RORA: variants seen among roughly 807,000 people sequenced by gnomAD.
RORA encodes nuclear receptor ROR-alpha.
In RORA, 7 loss-of-function variants were observed where a neutral mutation model predicts 69.5. The observed-to-expected ratio is 0.10, with a 90% CI of 0.06 to 0.19. The LOEUF is 0.19. Ranked by LOEUF, RORA falls within the 10% of genes least tolerant of loss-of-function variation. The pLI, the probability that RORA is intolerant of heterozygous loss-of-function variation, is 1.00. For missense variants in RORA, 457 were observed against 663.0 expected (o/e 0.69, Z 3.41); for synonymous variants, 261 against 240.8 (o/e 1.08, Z -0.78).
chr15:60,532,229 T>C (rs2066546041), intron 2 of RORA, among the ~76,000 whole-genome samples: 1 of 152,236 alleles, frequency 6.6e-6, no homozygotes, highest in African/African-American at 2.4e-5. Context: ...TAAATCTGTC[T>C]TGGCTGAGCA....
intron 2 of RORA, chr15:60,592,254 G>T: frequency 1.9e-6 from 1 of 533,724 alleles, no homozygotes; most frequent in Non-Finnish European, 2.7e-6. Context: ...GAAGGCCCTG[G>T]CAGGGCCCCC....
intron 1 of RORA, among the ~76,000 whole-genome samples, chr15:60,932,321 G>A (rs986751722): frequency 6.6e-6 from 1 of 152,096 alleles, no homozygotes; most frequent in African/African-American, 2.4e-5. Context: ...ACTCAGCCAC[G>A]ATTAGGGCTG....
chr15:61,220,314 C>A (rs928988786), intron 1 of RORA, among the ~76,000 whole-genome samples: 1 of 152,234 alleles, frequency 6.6e-6, no homozygotes, highest in African/African-American at 2.4e-5. Context: ...CCCCGTCACA[C>A]AAACATTCCT....
At chr15:61,022,241 G>T (rs777677770) in intron 1 of RORA, among the ~76,000 whole-genome samples, 1 of 152,180 alleles carries the variant, frequency 6.6e-6, no homozygotes, top group Non-Finnish European at 1.5e-5. Context: ...GGGTGTTTGG[G>T]ACCACTGAGT....
At chr15:60,576,315 A>G (rs1417377686) in intron 2 of RORA, among the ~76,000 whole-genome samples, 3 of 152,208 alleles carry the variant, frequency 2.0e-5, no homozygotes. Flanking sequence ...TATAACAGTC[A>G]GAAGCAAGAC....
chr15:60,683,647 T>TACAC (rs59854874), intron 1 of RORA, among the ~76,000 whole-genome samples: 46,321 of 148,452 alleles, frequency 0.31, 7,118 homozygotes, highest in East Asian at 0.36. Context: ...CAGATACACA[T>TACAC]ACACACACAC....
chr15:61,040,160 ATAT>A (rs1595906436), intron 1 of RORA, among the ~76,000 whole-genome samples: 9 of 125,636 alleles, frequency 7.2e-5, no homozygotes, highest in East Asian at 4.9e-4. Flanking sequence ...ATATATATAT[ATAT>A]AAAATATATG....
intron 1 of RORA, among the ~76,000 whole-genome samples, chr15:61,187,554 A>C (rs930109444): frequency 5.3e-5 from 8 of 152,214 alleles, no homozygotes; most frequent in African/African-American, 1.9e-4. Context: ...GCTGTTCAAC[A>C]CGGCCTCTGC....
At chr15:60,543,787 G>C (rs184344289) in intron 2 of RORA, among the ~76,000 whole-genome samples, 4 of 152,244 alleles carry the variant, frequency 2.6e-5, no homozygotes, top group African/African-American at 7.2e-5. Context: ...ATAGTATTTG[G>C]CAGGGGCTGC....
chr15:61,106,076 C>G (rs1157715364), intron 1 of RORA, among the ~76,000 whole-genome samples: 1 of 152,184 alleles, frequency 6.6e-6, no homozygotes, highest in East Asian at 1.9e-4. Flanking sequence ...TTCCTGGTAG[C>G]AAAGCAATCT....
chr15:60,708,174 A>G (rs1420741837), intron 1 of RORA, among the ~76,000 whole-genome samples: 1 of 152,160 alleles, frequency 6.6e-6, no homozygotes, highest in Non-Finnish European at 1.5e-5. Flanking sequence ...TCGTGTTGAT[A>G]GCCCAACTAG....
intron 2 of RORA, among the ~76,000 whole-genome samples, chr15:60,658,407 T>A (rs2070255218): frequency 2.0e-5 from 3 of 152,162 alleles, no homozygotes; most frequent in Admixed American, 2.0e-4. Flanking sequence ...GTCAGGGAGA[T>A]CAAGGGGATT....
At chr15:60,914,640 C>A (rs1891817394) in intron 1 of RORA, among the ~76,000 whole-genome samples, 3 of 152,056 alleles carry the variant, frequency 2.0e-5, no homozygotes, top group African/African-American at 7.2e-5. Flanking sequence ...TTTAACTGTG[C>A]ACTAAAACCA....
intron 3 of RORA, among the ~76,000 whole-genome samples, chr15:60,521,195 T>G (rs1418222321): frequency 6.6e-6 from 1 of 152,038 alleles, no homozygotes; most frequent in Non-Finnish European, 1.5e-5. Flanking sequence ...ACATAGTAGT[T>G]TGAACAATGA....
intron 1 of RORA, among the ~76,000 whole-genome samples, chr15:61,192,068 G>A (rs1006972130): frequency 6.6e-6 from 1 of 152,210 alleles, no homozygotes; most frequent in Non-Finnish European, 1.5e-5. Context: ...CATGTTGCAT[G>A]CAAACAGAGG....
chr15:60,768,379 A>G (rs145911751), intron 1 of RORA, among the ~76,000 whole-genome samples: 11 of 152,308 alleles, frequency 7.2e-5, no homozygotes, highest in Non-Finnish European at 1.5e-4. Context: ...CAATTCCACC[A>G]AGAGCTTGTG....
chr15:60,831,031 C>T (rs76171355), intron 1 of RORA, among the ~76,000 whole-genome samples: 3 of 152,044 alleles, frequency 2.0e-5, no homozygotes, highest in Admixed American at 6.6e-5. Flanking sequence ...GTATAGTCAG[C>T]GAGGAGACTG....
At chr15:60,775,405 CT>C (rs762237321) in intron 1 of RORA, among the ~76,000 whole-genome samples, 2 of 152,198 alleles carry the variant, frequency 1.3e-5, no homozygotes, top group South Asian at 2.1e-4. Context: ...TGGGGGTTCT[CT>C]TGAACAGATC....
At chr15:60,649,241 G>GA (rs11478657) in intron 2 of RORA, among the ~76,000 whole-genome samples, 179 of 144,072 alleles carry the variant, frequency 1.2e-3, no homozygotes, top group South Asian at 3.3e-3. Context: ...TTGCTTCCAG[G>GA]AAAAAAAAAA....
Sources: allele counts gnomAD v4.1 joint callset (sites outside exome capture counted in the v4.1 genomes callset), GRCh38; gene constraint gnomAD v4.1.1; transcripts MANE v1.5; gene names NCBI Gene and HGNC (gene_info 2026-07-23, HGNC 2026-07-21).